Variants in CBFA2T2 observed in about 807,000 individuals in gnomAD.
The protein encoded by CBFA2T2 is protein CBFA2T2.
CBFA2T2 carries 11 observed loss-of-function variants against 62.2 expected under a neutral mutation model. That is an observed-to-expected ratio of 0.18 (90% CI 0.11 to 0.29). CBFA2T2 has a LOEUF of 0.29. CBFA2T2 is among the 10% of genes least tolerant of loss of function. CBFA2T2 has a pLI of 1.00. For missense variants in CBFA2T2, 592 were observed against 774.1 expected (o/e 0.76, Z 2.79); for synonymous variants, 295 against 287.5 (o/e 1.03, Z -0.27).
chr20:33,619,650 T>A, intron 4 of CBFA2T2, 44 bp downstream of exon 4: 1 of 1,353,972 alleles, frequency 7.4e-7, no homozygotes, highest in Non-Finnish European at 1.0e-6. Context: ...GAATATTTCC[T>A]CAAATTCTGC....
intron 1 of CBFA2T2, among the ~76,000 whole-genome samples, chr20:33,539,830 G>A (rs370139328): frequency 1.3e-5 from 2 of 151,736 alleles, no homozygotes; most frequent in East Asian, 3.9e-4. Context: ...GGGACTATAG[G>A]TGCGTACCAC....
Position 33,559,281 on chromosome 20 carries a change from C to A in CBFA2T2, c.35-47675C>A, listed in dbSNP as rs773216923. Among the ~76,000 whole-genome samples, 3 of 144,982 alleles carry A rather than the reference C, an allele frequency of 2.1e-5. No homozygotes were observed. In the South Asian group the frequency reaches 6.8e-4, roughly 33 times the overall value. Reference sequence around the variant, plus strand: ...CTCTGCCTTCCTGGTTCAAGCGATTCTCCTGCCTCAGACTCCTGAGTAGCT... The same window carrying A: ...CTCTGCCTTCCTGGTTCAAGCGATTATCCTGCCTCAGACTCCTGAGTAGCT... On this transcript the variant is annotated intron_variant, in intron 1 of 10. Coordinates refer to ENST00000342704, the MANE Select transcript of CBFA2T2 (RefSeq NM_001032999.3).
intron 1 of CBFA2T2, among the ~76,000 whole-genome samples, chr20:33,512,416 A>G (rs1427781644): frequency 6.6e-6 from 1 of 152,212 alleles, no homozygotes; most frequent in Non-Finnish European, 1.5e-5. Flanking sequence ...CTTACTTGCC[A>G]GTCACTGTCC....
At chr20:33,491,707 CTT>C (rs772598025) in intron 1 of CBFA2T2, among the ~76,000 whole-genome samples, 2 of 142,872 alleles carry the variant, frequency 1.4e-5, no homozygotes. Context: ...AAATGAAAGG[CTT>C]TTTTTTTTTT....
chr20:33,497,550 T>C (rs1482927560), intron 1 of CBFA2T2, among the ~76,000 whole-genome samples: 1 of 144,952 alleles, frequency 6.9e-6, no homozygotes, highest in Admixed American at 6.8e-5. Flanking sequence ...TTGTATACTT[T>C]TTTTTTTTTT....
intron 1 of CBFA2T2, among the ~76,000 whole-genome samples, chr20:33,590,164 T>C (rs546875263): frequency 6.6e-6 from 1 of 151,802 alleles, no homozygotes; most frequent in Admixed American, 6.6e-5. Flanking sequence ...GAGGATCTCT[T>C]GAACCCAGGA....
intron 1 of CBFA2T2, among the ~76,000 whole-genome samples, chr20:33,567,276 C>T (rs1002656968): frequency 6.6e-6 from 1 of 152,182 alleles, no homozygotes; most frequent in South Asian, 2.1e-4. Context: ...ATCCTGTTAT[C>T]GTTCAATCCT....
chr20:33,493,613 A>T (rs970372581), intron 1 of CBFA2T2, among the ~76,000 whole-genome samples: 6 of 151,770 alleles, frequency 4.0e-5, no homozygotes, highest in African/African-American at 1.5e-4. Flanking sequence ...TCAGCCTCCC[A>T]CCTCAGCCTC....
At position 33,490,254 on chromosome 20, in the gene CBFA2T2, G is replaced by A. The variant is rs1402087354; in HGVS notation, c.-14G>A. 2 of 1,237,338 alleles carry A rather than the reference G, an allele frequency of 1.6e-6. No homozygotes were observed. The highest frequency in any genetic ancestry group is 3.2e-5 in the East Asian group (1 of 31,506). 76.6% of individuals were successfully genotyped at this position (1,237,338 alleles called of 1,614,324 possible). ...CGGGTAGAGGCGGGCGGCGCGCGGC[G>A]GCGGCGCTCGGCGATGGTAGGCGTC... On this transcript the variant is annotated 5_prime_UTR_variant, in exon 1 of 11. Coordinates refer to ENST00000342704, the MANE Select transcript of CBFA2T2 (RefSeq NM_001032999.3).
chr20:33,558,625 CT>C (rs911528973), intron 1 of CBFA2T2, among the ~76,000 whole-genome samples: 134 of 151,084 alleles, frequency 8.9e-4, no homozygotes, highest in Non-Finnish European at 1.6e-3. Flanking sequence ...TATTGTTTTA[CT>C]TTTTTTTTGG....
At chr20:33,631,958 A>G (rs1447452758) in intron 8 of CBFA2T2, among the ~76,000 whole-genome samples, 1 of 152,230 alleles carries the variant, frequency 6.6e-6, no homozygotes, top group African/African-American at 2.4e-5. Context: ...AAAAAGTGCC[A>G]CTGGTCTGAT....
At position 33,572,140 on chromosome 20, in the gene CBFA2T2, A is replaced by G. The variant is rs140961741; in HGVS notation, c.35-34816A>G. ...ACTCCTGACTTCAGGTGATCTGCCAACCTTGTTTATATGAGGAAGTCCCTC... is the reference window on the plus strand; with the variant it reads ...ACTCCTGACTTCAGGTGATCTGCCAGCCTTGTTTATATGAGGAAGTCCCTC... On this transcript the variant is annotated intron_variant, in intron 1 of 10. Transcript: ENST00000342704. Among the ~76,000 whole-genome samples, 72 of 152,276 alleles carry G rather than the reference A, an allele frequency of 4.7e-4. 1 individual carries two copies. In the East Asian group the frequency reaches 0.011, roughly 24 times the overall value.
chr20:33,612,331 C>T (rs553301546), intron 3 of CBFA2T2, among the ~76,000 whole-genome samples: 42 of 152,140 alleles, frequency 2.8e-4, no homozygotes, highest in Admixed American at 2.7e-3. Context: ...GCATTCTGTG[C>T]TCCTTTGTGT....
chr20:33,559,641 C>G (rs2013024092), intron 1 of CBFA2T2, among the ~76,000 whole-genome samples: 1 of 152,128 alleles, frequency 6.6e-6, no homozygotes, highest in African/African-American at 2.4e-5. Context: ...CGCCCACCAC[C>G]ACACCCAGCT....
intron 1 of CBFA2T2, among the ~76,000 whole-genome samples, chr20:33,556,014 T>G (rs1220742131): frequency 6.6e-6 from 1 of 152,240 alleles, no homozygotes; most frequent in East Asian, 1.9e-4. Flanking sequence ...TATAGGCACA[T>G]GCCATTATGC....
chr20:33,597,306 C>T (rs1383088891), intron 1 of CBFA2T2, among the ~76,000 whole-genome samples: 2 of 152,056 alleles, frequency 1.3e-5, no homozygotes, highest in Non-Finnish European at 2.9e-5. Flanking sequence ...TTAGTAGTTA[C>T]TCGAATAATT....
At chr20:33,581,095 ACT>A (rs2014092060) in intron 1 of CBFA2T2, among the ~76,000 whole-genome samples, 1 of 130,146 alleles carries the variant, frequency 7.7e-6, no homozygotes, top group East Asian at 2.2e-4. Context: ...ACAGAGTTTC[ACT>A]CTGTCACCCA....
intron 1 of CBFA2T2, among the ~76,000 whole-genome samples, chr20:33,554,346 GGGT>G (rs770602429): frequency 5.3e-5 from 8 of 150,082 alleles, no homozygotes; most frequent in Non-Finnish European, 1.0e-4. Context: ...TTCGCCTCCT[GGGT>G]TCAAGTGATT....
intron 6 of CBFA2T2, among the ~76,000 whole-genome samples, chr20:33,625,636 T>C (rs916501928): frequency 4.6e-5 from 7 of 152,186 alleles, no homozygotes; most frequent in African/African-American, 1.7e-4. Context: ...TAAATCTGAG[T>C]TTATTGCAGA....
Sources: allele counts gnomAD v4.1 joint callset (sites outside exome capture counted in the v4.1 genomes callset), GRCh38; gene constraint gnomAD v4.1.1; transcripts MANE v1.5; gene names NCBI Gene and HGNC (gene_info 2026-07-23, HGNC 2026-07-21).